HS6ST3: variants seen among roughly 807,000 people sequenced by gnomAD.
HS6ST3 encodes the protein heparan sulfate 6-O-sulfotransferase 3.
A neutral mutation model predicts 36.7 loss-of-function variants in HS6ST3; 12 were observed. The observed-to-expected ratio is 0.33, with a 90% confidence interval of 0.21 to 0.53. The LOEUF (loss-of-function observed/expected upper bound fraction) is 0.53. Among genes scored for constraint, HS6ST3 ranks in the 20% least tolerant of loss-of-function variants. The pLI is 0.95. For missense variants in HS6ST3, 584 were observed against 640.9 expected (o/e 0.91, Z 0.96); for synonymous variants, 240 against 257.5 (o/e 0.93, Z 0.65).
intron 1 of HS6ST3, among the ~76,000 whole-genome samples, chr13:96,385,146 T>G (rs1045368285): frequency 1.4e-5 from 2 of 138,836 alleles, no homozygotes; most frequent in African/African-American, 5.3e-5. Context: ...GCCATTGCAC[T>G]CCAGCCTGGG....
intron 1 of HS6ST3, among the ~76,000 whole-genome samples, chr13:96,656,995 G>GTT (rs2056627876): frequency 7.2e-6 from 1 of 138,974 alleles, no homozygotes; most frequent in African/African-American, 2.7e-5. Flanking sequence ...GTGTGTGTGT[G>GTT]TGTGAGAGAG....
At chr13:96,701,961 C>T (rs978116906) in intron 1 of HS6ST3, among the ~76,000 whole-genome samples, 1 of 152,030 alleles carries the variant, frequency 6.6e-6, no homozygotes, top group Non-Finnish European at 1.5e-5. Context: ...GACCAAAACT[C>T]ACAAAGAAAT....
chr13:96,372,012 G>A (rs1212062630), intron 1 of HS6ST3, among the ~76,000 whole-genome samples: 2 of 152,130 alleles, frequency 1.3e-5, no homozygotes, highest in Admixed American at 6.6e-5. Context: ...GGGTGGGATT[G>A]CTGGATTATA....
At chr13:96,112,967 T>C (rs547554966) in intron 1 of HS6ST3, among the ~76,000 whole-genome samples, 98 of 152,116 alleles carry the variant, frequency 6.4e-4, no homozygotes, top group African/African-American at 2.0e-3. Flanking sequence ...GGAGGTCACA[T>C]AGAGCAGGAG....
intron 1 of HS6ST3, among the ~76,000 whole-genome samples, chr13:96,789,492 G>T (rs765215662): frequency 1.3e-5 from 2 of 151,808 alleles, no homozygotes; most frequent in Admixed American, 1.3e-4. Context: ...TATTAACCAG[G>T]TTATCTGCCA....
At chr13:96,488,715 C>A (rs1463832591) in intron 1 of HS6ST3, among the ~76,000 whole-genome samples, 2 of 152,004 alleles carry the variant, frequency 1.3e-5, no homozygotes, top group African/African-American at 4.8e-5. Flanking sequence ...TAATCACTGC[C>A]ATCTGCATGA....
At chr13:96,717,673 T>A (rs1304456708) in intron 1 of HS6ST3, among the ~76,000 whole-genome samples, 1 of 152,218 alleles carries the variant, frequency 6.6e-6, no homozygotes, top group African/African-American at 2.4e-5. Context: ...GAGGGAGGCC[T>A]TATTTCCTTA....
chr13:96,104,200 C>A (rs1190178502), intron 1 of HS6ST3, among the ~76,000 whole-genome samples: 1 of 152,082 alleles, frequency 6.6e-6, no homozygotes, highest in Non-Finnish European at 1.5e-5. Flanking sequence ...ACAAAGAAAG[C>A]ACGAAGTTAC....
At chr13:96,133,894 T>C (rs1214398799) in intron 1 of HS6ST3, among the ~76,000 whole-genome samples, 1 of 151,978 alleles carries the variant, frequency 6.6e-6, no homozygotes, top group East Asian at 1.9e-4. Context: ...TACATTTAAG[T>C]CTTTAATCCA....
At chr13:96,594,195 C>T (rs2056393618) in intron 1 of HS6ST3, among the ~76,000 whole-genome samples, 1 of 151,996 alleles carries the variant, frequency 6.6e-6, no homozygotes, top group Non-Finnish European at 1.5e-5. Context: ...TGGTCTCCTA[C>T]TCCCAACTTC....
At chr13:96,296,498 G>A (rs1390314265) in intron 1 of HS6ST3, among the ~76,000 whole-genome samples, 1 of 152,108 alleles carries the variant, frequency 6.6e-6, no homozygotes, top group Non-Finnish European at 1.5e-5. Context: ...ATGGTGGTCT[G>A]TAGATTGTGA....
intron 1 of HS6ST3, among the ~76,000 whole-genome samples, chr13:96,353,767 A>T (rs931626060): frequency 6.6e-6 from 1 of 152,214 alleles, no homozygotes; most frequent in East Asian, 1.9e-4. Context: ...TAAAGAAAAG[A>T]TGTTTAATTC....
At chr13:96,563,933 C>A (rs185238417) in intron 1 of HS6ST3, among the ~76,000 whole-genome samples, 1 of 152,158 alleles carries the variant, frequency 6.6e-6, no homozygotes, top group Non-Finnish European at 1.5e-5. Context: ...CTAGACTTTT[C>A]TCCCGCTTCT....
intron 1 of HS6ST3, among the ~76,000 whole-genome samples, chr13:96,242,014 T>A (rs2054562919): frequency 6.6e-6 from 1 of 151,934 alleles, no homozygotes. Flanking sequence ...CTCGATCTCC[T>A]GACCTCGTGA....
At chr13:96,436,143 A>G (rs918592522) in intron 1 of HS6ST3, among the ~76,000 whole-genome samples, 1 of 152,170 alleles carries the variant, frequency 6.6e-6, no homozygotes, top group Non-Finnish European at 1.5e-5. Context: ...ACTCTGCCCT[A>G]TGTTTTACTT....
At chr13:96,826,071 GTGAAACATAGGTTC>G (rs1361853577) in intron 1 of HS6ST3, among the ~76,000 whole-genome samples, 1 of 152,152 alleles carries the variant, frequency 6.6e-6, no homozygotes, top group Non-Finnish European at 1.5e-5. Context: ...AAACTGCTCA[GTGAAACATAGGTTC>G]TTGAAACAGT....
chr13:96,266,005 A>T (rs967757761), intron 1 of HS6ST3, among the ~76,000 whole-genome samples: 1 of 152,168 alleles, frequency 6.6e-6, no homozygotes, highest in Non-Finnish European at 1.5e-5. Flanking sequence ...TCCATGAAGT[A>T]GGAATTATCA....
At chr13:96,811,058 A>G (rs1238720025) in intron 1 of HS6ST3, among the ~76,000 whole-genome samples, 1 of 152,060 alleles carries the variant, frequency 6.6e-6, no homozygotes, top group East Asian at 1.9e-4. Context: ...TAAGGAAACA[A>G]TGTTCTGCAT....
chr13:96,184,179 A>C (rs1240938761), intron 1 of HS6ST3, among the ~76,000 whole-genome samples: 1 of 141,366 alleles, frequency 7.1e-6, no homozygotes, highest in Non-Finnish European at 1.5e-5. Context: ...CCAGCCTGGC[A>C]ATAGAGCGAG....
Sources: gnomAD v4.1 joint callset for allele counts (sites outside exome capture counted in the v4.1 genomes callset) on GRCh38, gnomAD v4.1.1 for gene constraint, MANE v1.5 for transcripts, NCBI Gene and HGNC (gene_info 2026-07-23, HGNC 2026-07-21) for gene names.